The following NUMB variants were observed in gnomAD, a reference collection of about 807,000 sequenced individuals.
NUMB encodes protein numb homolog.
Under a neutral mutation model 59.7 loss-of-function variants are expected in NUMB, and 29 were observed. The observed-to-expected ratio is 0.49, with a 90% confidence interval of 0.36 to 0.66. The LOEUF is 0.66. NUMB is among the 30% of genes least tolerant of loss of function. The pLI, the probability that NUMB is intolerant of heterozygous loss-of-function variation, is 0.00. For missense variants in NUMB, 723 were observed against 822.0 expected (o/e 0.88, Z 1.47); for synonymous variants, 288 against 288.2 (o/e 1.00, Z 0.01).
chr14:73,382,524 A>G (rs546452347), intron 2 of NUMB, among the ~76,000 whole-genome samples: 3 of 152,092 alleles, frequency 2.0e-5, no homozygotes, highest in African/African-American at 7.2e-5. Flanking sequence ...CAAGAAGGAG[A>G]GGCCCTGACA....
intron 3 of NUMB, among the ~76,000 whole-genome samples, chr14:73,356,446 C>T (rs146586286): frequency 1.2e-4 from 19 of 152,198 alleles, no homozygotes; most frequent in African/African-American, 4.3e-4. Context: ...AGCTGAAGAC[C>T]AGCCTGGCCA....
At position 73,430,482 on chromosome 14, in the gene NUMB, T is replaced by A. The variant is rs569578418; in HGVS notation, c.-232-20414A>T. 2.6e-5 allele frequency among the ~76,000 whole-genome samples: 4 copies of A among 151,888 alleles called. No homozygotes were observed. In the South Asian group the frequency reaches 8.3e-4, roughly 32 times the overall value. ...GCCATTTCTATAAAAAAGGTTTTTT[T>A]AATTAGCCGGGTGTGGTGGTACATG... On this transcript the variant is annotated intron_variant, in intron 1 of 12. Coordinates refer to ENST00000555238, the MANE Select transcript of NUMB (RefSeq NM_001005743.2).
chr14:73,276,438 C>A lies in NUMB; in HGVS notation c.*140G>T. On this transcript the variant is annotated 3_prime_UTR_variant, in exon 13 of 13. Transcript: ENST00000555238. ...TTTCAAAATCACCCCTCACAGTACT[C>A]TGGGCCTGGACTTGTTCCTTGGGAC... 1.5e-6 allele frequency: 1 copy of A among 655,054 alleles called. No homozygotes were observed. Among genetic ancestry groups the A allele is most frequent in the Non-Finnish European group, 2.6e-6 (1 of 386,632 alleles). The allele number at this position is 655,054 out of a possible 1,614,324, so 40.6% of individuals were successfully genotyped here. A position where few individuals can be genotyped will look rare whatever the true frequency, so the allele number is the denominator to read the frequency against.
At chr14:73,428,783 G>A (rs1566793106) in intron 1 of NUMB, among the ~76,000 whole-genome samples, 1 of 152,162 alleles carries the variant, frequency 6.6e-6, no homozygotes, top group African/African-American at 2.4e-5. Context: ...CTGCACTCCA[G>A]CCTGGGAGAC....
chr14:73,295,142 T>C (rs1178110965), intron 7 of NUMB, among the ~76,000 whole-genome samples: 1 of 143,032 alleles, frequency 7.0e-6, no homozygotes, highest in Admixed American at 7.0e-5. Context: ...AGCAAGGCAA[T>C]CTGACAGAGC....
At chr14:73,312,210 A>G (rs1480689575) in intron 6 of NUMB, among the ~76,000 whole-genome samples, 2 of 152,202 alleles carry the variant, frequency 1.3e-5, no homozygotes, top group African/African-American at 2.4e-5. Flanking sequence ...CCTGGCCAAC[A>G]TGGTGAAACC....
At chr14:73,299,617 T>A (rs1213269578) in intron 6 of NUMB, among the ~76,000 whole-genome samples, 4 of 151,396 alleles carry the variant, frequency 2.6e-5, no homozygotes, top group Non-Finnish European at 4.4e-5. Context: ...CATATATATG[T>A]CATATAATAT....
intron 4 of NUMB, among the ~76,000 whole-genome samples, chr14:73,345,260 T>G (rs149902930): frequency 3.9e-5 from 6 of 152,196 alleles, no homozygotes; most frequent in Non-Finnish European, 7.4e-5. Flanking sequence ...AAACCAAATA[T>G]CTCATGTTCT....
intron 4 of NUMB, among the ~76,000 whole-genome samples, chr14:73,329,185 C>T (rs985825741): frequency 6.6e-6 from 1 of 152,046 alleles, no homozygotes; most frequent in Non-Finnish European, 1.5e-5. Flanking sequence ...ATTCTCTTAA[C>T]AGTGTCTTTA....
At chr14:73,335,997 T>C (rs1189641547) in intron 4 of NUMB, among the ~76,000 whole-genome samples, 3 of 152,366 alleles carry the variant, frequency 2.0e-5, no homozygotes, top group East Asian at 3.9e-4. Flanking sequence ...ATAGACTGTA[T>C]GACCTAAGCA....
chr14:73,450,906 C>T (rs1883887202), intron 1 of NUMB, among the ~76,000 whole-genome samples: 2 of 152,004 alleles, frequency 1.3e-5, no homozygotes, highest in Admixed American at 1.3e-4. Flanking sequence ...AATCCCAGCA[C>T]TTTGGGAGGC....
chr14:73,359,981 C>T (rs1198394980), intron 3 of NUMB, among the ~76,000 whole-genome samples: 1 of 152,164 alleles, frequency 6.6e-6, no homozygotes, highest in Non-Finnish European at 1.5e-5. Context: ...GATAACTTTG[C>T]CTCTTACCTG....
chr14:73,450,093 T>C (rs145257802), intron 1 of NUMB, among the ~76,000 whole-genome samples: 190 of 152,352 alleles, frequency 1.2e-3, no homozygotes, highest in African/African-American at 4.1e-3. Context: ...GAGAAGTCTA[T>C]AATAGATCTA....
intron 3 of NUMB, among the ~76,000 whole-genome samples, 167 bp from the exon 4 acceptor site, chr14:73,355,933 T>A (rs1031681722): frequency 6.6e-6 from 1 of 152,192 alleles, no homozygotes; most frequent in African/African-American, 2.4e-5. Context: ...GGAAAATGAA[T>A]AGAACATTTC....
At chr14:73,394,110 C>A (rs897061037) in intron 2 of NUMB, among the ~76,000 whole-genome samples, 3 of 152,102 alleles carry the variant, frequency 2.0e-5, no homozygotes, top group Non-Finnish European at 4.4e-5. Context: ...GGATTATGGG[C>A]ATGCCCCTTT....
chr14:73,348,553 G>A (rs932418844), intron 4 of NUMB, among the ~76,000 whole-genome samples: 9 of 152,280 alleles, frequency 5.9e-5, no homozygotes, highest in Admixed American at 3.9e-4. Context: ...TCATAGGAGC[G>A]CGAACTCTAT....
chr14:73,316,982 T>C (rs1228379624), intron 5 of NUMB, among the ~76,000 whole-genome samples: 3 of 152,240 alleles, frequency 2.0e-5, no homozygotes, highest in African/African-American at 4.8e-5. Context: ...TTTTTCTTAG[T>C]GAGTTCAAGA....
chr14:73,445,743 T>C (rs147824079), intron 1 of NUMB, among the ~76,000 whole-genome samples: 1 of 152,170 alleles, frequency 6.6e-6, no homozygotes, highest in Non-Finnish European at 1.5e-5. Context: ...ATTTTGAAGA[T>C]AAGAAAACCA....
At chr14:73,400,059 AC>A (rs1380868487) in intron 2 of NUMB, among the ~76,000 whole-genome samples, 2 of 150,086 alleles carry the variant, frequency 1.3e-5, no homozygotes, top group African/African-American at 2.5e-5. Context: ...ACAAAAAAAA[AC>A]AAAAAAGTAA....
Sources: allele counts gnomAD v4.1 joint callset (sites outside exome capture counted in the v4.1 genomes callset), GRCh38; gene constraint gnomAD v4.1.1; transcripts MANE v1.5; gene names NCBI Gene and HGNC (gene_info 2026-07-23, HGNC 2026-07-21).